The following MINK1 variants were observed in gnomAD, a reference collection of about 807,000 sequenced individuals.
The protein encoded by MINK1 is misshapen like kinase 1.
A neutral mutation model predicts 178.4 loss-of-function variants in MINK1; 46 were observed. That is an observed-to-expected ratio of 0.26 (90% CI 0.20 to 0.33). MINK1 has a LOEUF of 0.33. Ranked by LOEUF, MINK1 falls within the 10% of genes least tolerant of loss-of-function variation. MINK1 has a pLI of 1.00. For missense variants in MINK1, 1,366 were observed against 1,814.9 expected (o/e 0.75, Z 4.49); for synonymous variants, 797 against 709.7 (o/e 1.12, Z -1.96).
intron 4 of MINK1, among the ~76,000 whole-genome samples, chr17:4,883,859 G>A (rs1180409356): frequency 4.6e-5 from 7 of 151,252 alleles, no homozygotes; most frequent in South Asian, 4.2e-4. Context: ...GTTCTTAACC[G>A]CTGTAGGGTT....
intron 2 of MINK1, among the ~76,000 whole-genome samples, chr17:4,880,439 T>G (rs1967590993): frequency 6.7e-6 from 1 of 149,690 alleles, no homozygotes; most frequent in Middle Eastern, 3.5e-3. Flanking sequence ...GCGCCCACCA[T>G]GACACCCAGC....
intron 1 of MINK1, chr17:4,861,616 C>G: frequency 4.1e-6 from 1 of 245,892 alleles, no homozygotes; most frequent in South Asian, 3.4e-5. Context: ...TTCTCCTGCC[C>G]CAGCCTCCCT....
Position 4,833,657 on chromosome 17 carries a change from C to A in MINK1, c.57+17C>A. 1 of 1,486,188 alleles carries A rather than the reference C, an allele frequency of 6.7e-7. No homozygotes were observed. The highest frequency in any genetic ancestry group is 8.9e-7 in the Non-Finnish European group (1 of 1,123,728). The allele number at this position is 1,486,188 out of a possible 1,614,324, so 92.1% of individuals were successfully genotyped here. On this transcript the variant is annotated intron_variant, in intron 1 of 31. Coordinates refer to ENST00000355280, the MANE Select transcript of MINK1 (RefSeq NM_153827.5). This position sits in a 1 kb window ranked among gnomAD's most constrained non-coding sequence, Gnocchi z 4.8. Reference sequence around the variant, plus strand: ...GCCCTGCGGGTGAGCGCGCCGTCCCCCAGCCTCGCCCTGGTTCCTGTCCCC... The same window carrying A: ...GCCCTGCGGGTGAGCGCGCCGTCCCACAGCCTCGCCCTGGTTCCTGTCCCC...
At chr17:4,857,178 A>G in intron 1 of MINK1, 1 of 306,664 alleles carries the variant, frequency 3.3e-6, no homozygotes, top group Non-Finnish European at 6.6e-6. Context: ...TAGGCCATAG[A>G]TGGTGATGAT....
At chr17:4,851,923 C>CG (rs1459639953) in intron 1 of MINK1, among the ~76,000 whole-genome samples, 1 of 135,880 alleles carries the variant, frequency 7.4e-6, no homozygotes, top group Non-Finnish European at 1.5e-5. Context: ...TCACTTGAAT[C>CG]GGGGAGGCAG....
At chr17:4,871,161 TTTTTG>T (rs1186766594) in intron 1 of MINK1, 5 of 247,612 alleles carry the variant, frequency 2.0e-5, no homozygotes, top group South Asian at 6.3e-5. Flanking sequence ...TTATTCCCTT[TTTTTG>T]TTTTGTTTGT....
At position 4,894,734 on chromosome 17, in the gene MINK1, A is replaced by G. The variant is rs959077405; in HGVS notation, c.2917+101A>G. ...ACGCAGCCTCACAAAGCATAGCCAC[A>G]GGACCTCTCCCTTGGGCCCTAGCAC... On this transcript the variant is annotated intron_variant, in intron 24 of 31. Coordinates refer to ENST00000355280, the MANE Select transcript of MINK1 (RefSeq NM_153827.5). This position sits in a 1 kb window ranked among gnomAD's most constrained non-coding sequence, Gnocchi z 4.1. 14 of 929,226 alleles carry G rather than the reference A, an allele frequency of 1.5e-5. No individual in the cohort carries two copies. Among genetic ancestry groups the G allele is most frequent in the Admixed American group, 1.2e-4 (6 of 48,910 alleles). The allele number at this position is 929,226 out of a possible 1,614,324, so 57.6% of individuals were successfully genotyped here. A position where few individuals can be genotyped will look rare whatever the true frequency, so the allele number is the denominator to read the frequency against.
Position 4,896,398 on chromosome 17 carries a change from C to T in MINK1, c.3616-31C>T, listed in dbSNP as rs138487305. ...GATGGCCCAGTCTGGGCACCAGACA[C>T]GGAGACTCTAGTCCCCCTCCTTCTC... On this transcript the variant is annotated intron_variant, in intron 29 of 31. Transcript: ENST00000355280. The surrounding 1 kb of genome is among the most constrained non-coding windows in gnomAD (Gnocchi z 4.6). The T allele has an allele frequency of 1.8e-3, 2,867 of 1,610,776 alleles. 4 individuals are homozygous for T. Among genetic ancestry groups the T allele is most frequent in the Middle Eastern group, 2.2e-3 (13 of 6,044 alleles).
intron 15 of MINK1, 47 bp from the exon 16 acceptor site, chr17:4,891,409 A>C: frequency 6.6e-7 from 1 of 1,513,936 alleles, no homozygotes; most frequent in South Asian, 1.3e-5. Flanking sequence ...GCAGGTGGGG[A>C]TGTGCCATGG....
chr17:4,892,716 C>G lies in MINK1; in HGVS notation c.2259C>G (p.Ala753=), dbSNP rs565690336. The G allele has an allele frequency of 3.1e-6, 5 of 1,612,030 alleles. No individual in the cohort carries two copies. The highest frequency in any genetic ancestry group is 4.2e-6 in the Non-Finnish European group (5 of 1,179,620). The change falls in exon 19 of 32, where the codon GCC becomes GCG. Residue 753 remains alanine (A), a synonymous_variant. Transcript: ENST00000355280. The part of the protein sequence containing the change: ...GWERSDSVLP[A]SHGHLPQAGS... ...AACGCTCGGACAGCGTCCTTCCAGC[C>G]TCTCACGGGCACCTCCCCCAGGCTG...
chr17:4,842,302 T>C (rs1216051907), intron 1 of MINK1, among the ~76,000 whole-genome samples: 4 of 151,310 alleles, frequency 2.6e-5, no homozygotes, highest in African/African-American at 9.7e-5. Context: ...TCTGGCAGAG[T>C]CTGGGACAGT....
chr17:4,888,265 C>T (rs1968408549), intron 12 of MINK1, among the ~76,000 whole-genome samples: 3 of 151,862 alleles, frequency 2.0e-5, no homozygotes, highest in Non-Finnish European at 4.4e-5. Context: ...CACCTGCTAC[C>T]TCCAAAGTAG....
chr17:4,894,672 C>A lies in MINK1; in HGVS notation c.2917+39C>A, dbSNP rs776995424. On this transcript the variant is annotated intron_variant, in intron 24 of 31. Transcript: ENST00000355280. The surrounding 1 kb of genome is among the most constrained non-coding windows in gnomAD (Gnocchi z 4.1). ...GACAGACCTGCTGTGAGGCCAGGGT[C>A]CAGGGGCAGCCTGGAGGGGAGCACA... The A allele has an allele frequency of 8.1e-6, 12 of 1,487,028 alleles. No individual in the cohort carries two copies. Among genetic ancestry groups the A allele is most frequent in the Non-Finnish European group, 1.1e-5 (12 of 1,081,350 alleles). 92.1% of individuals were successfully genotyped at this position (1,487,028 alleles called of 1,614,324 possible). A position where few individuals can be genotyped will look rare whatever the true frequency, so the allele number is the denominator to read the frequency against.
Position 4,896,851 on chromosome 17 carries a change from G to GGCTGCCATGACCCTAGGCCC in MINK1, c.3915+39_3915+58dup. 6.5e-7 allele frequency: 1 copy of GGCTGCCATGACCCTAGGCCC among 1,533,318 alleles called. No individual in the cohort carries two copies. Among genetic ancestry groups the GGCTGCCATGACCCTAGGCCC allele is most frequent in the South Asian group, 1.3e-5 (1 of 77,084 alleles). The allele number at this position is 1,533,318 out of a possible 1,614,324, so 95.0% of individuals were successfully genotyped here. On this transcript the variant is annotated intron_variant, in intron 31 of 31. Coordinates refer to ENST00000355280, the MANE Select transcript of MINK1 (RefSeq NM_153827.5). The surrounding 1 kb of genome is among the most constrained non-coding windows in gnomAD (Gnocchi z 4.6). The stretch of plus-strand genomic sequence containing the variant: ...TTCCCTCTGAAAGCCCTGCTGTCCC[G>GGCTGCCATGACCCTAGGCCC]GCTGCCATGACCCTAGGCCCCTGGG...
chr17:4,887,824 G>A lies in MINK1; in HGVS notation c.1230+34G>A, dbSNP rs761311459. On this transcript the variant is annotated intron_variant, in intron 12 of 31. Coordinates refer to ENST00000355280, the MANE Select transcript of MINK1 (RefSeq NM_153827.5). This position sits in a 1 kb window ranked among gnomAD's most constrained non-coding sequence, Gnocchi z 7.6. ...TCTCCGAAGGGCCCAGGCCTGGCGCGGCCTCCTCCTGACCTGCCCCGGGTC... is the reference window on the plus strand; with the variant it reads ...TCTCCGAAGGGCCCAGGCCTGGCGCAGCCTCCTCCTGACCTGCCCCGGGTC... 30 of 1,447,240 alleles carry A rather than the reference G, an allele frequency of 2.1e-5. No individual in the cohort carries two copies. The highest frequency in any genetic ancestry group is 1.4e-4 in the African/African-American group (10 of 69,468). The allele number at this position is 1,447,240 out of a possible 1,614,324, so 89.6% of individuals were successfully genotyped here.
intron 1 of MINK1, among the ~76,000 whole-genome samples, chr17:4,872,826 A>G (rs1002253093): frequency 6.6e-6 from 1 of 152,116 alleles, no homozygotes; most frequent in African/African-American, 2.4e-5. Context: ...CTTCCCCTCC[A>G]TGATGATGAA....
In MINK1 at chr17:4,833,397, C is replaced by T. The variant is rs1908768091; in HGVS notation, c.-187C>T. 1.9e-6 allele frequency: 1 copy of T among 538,994 alleles called. No homozygotes were observed. The highest frequency in any genetic ancestry group is 4.0e-5 in the Admixed American group (1 of 25,304). 33.4% of individuals were successfully genotyped at this position (538,994 alleles called of 1,614,324 possible). On this transcript the variant is annotated 5_prime_UTR_variant, in exon 1 of 32. Coordinates refer to ENST00000355280, the MANE Select transcript of MINK1 (RefSeq NM_153827.5). This position sits in a 1 kb window ranked among gnomAD's most constrained non-coding sequence, Gnocchi z 4.8. Reference sequence around the variant, plus strand: ...GGTGGTAGGCTCGGGTGGCTGGCTCCGGGGAGATAGCGCCTGTCAGTCGGT... The same window carrying T: ...GGTGGTAGGCTCGGGTGGCTGGCTCTGGGGAGATAGCGCCTGTCAGTCGGT...
In MINK1 at chr17:4,836,418, T is replaced by C. The variant is rs1909315563; in HGVS notation, c.57+2778T>C. ...ACAGCCACACTTGACCTCTTTGAGG[T>C]TCCTTTTCTCCACCAGCCTGGCTGC... On this transcript the variant is annotated intron_variant, in intron 1 of 31. Coordinates refer to ENST00000355280, the MANE Select transcript of MINK1 (RefSeq NM_153827.5). The surrounding 1 kb of genome is among the most constrained non-coding windows in gnomAD (Gnocchi z 4.3). Among the ~76,000 whole-genome samples, 1 of 152,162 alleles carries C rather than the reference T, an allele frequency of 6.6e-6. No homozygotes were observed. Among genetic ancestry groups the C allele is most frequent in the Non-Finnish European group, 1.5e-5 (1 of 68,030 alleles).
At chr17:4,844,288 A>G (rs570520154) in intron 1 of MINK1, among the ~76,000 whole-genome samples, 1 of 152,276 alleles carries the variant, frequency 6.6e-6, no homozygotes, top group African/African-American at 2.4e-5. Flanking sequence ...AATGTGAGCC[A>G]CCGTGCCCGG....
Sources: gnomAD v4.1 joint callset for allele counts (sites outside exome capture counted in the v4.1 genomes callset) on GRCh38, gnomAD v4.1.1 for gene constraint, Gnocchi (gnomAD v3.1) non-coding constraint, MANE v1.5 for transcripts, NCBI Gene and HGNC (gene_info 2026-07-23, HGNC 2026-07-21) for gene names.